ABLIM2: variants seen among roughly 807,000 people sequenced by gnomAD.
The protein encoded by ABLIM2 is actin-binding LIM protein 2.
Under a neutral mutation model 97.7 loss-of-function variants are expected in ABLIM2, and 53 were observed. The ratio of observed to expected loss-of-function variants is 0.54; its 90% CI spans 0.44 to 0.68. The LOEUF (loss-of-function observed/expected upper bound fraction) is 0.68, where lower values mean the gene tolerates loss of function less well. Among genes scored for constraint, ABLIM2 ranks in the 30% least tolerant of loss-of-function variants. The pLI is 0.00. For synonymous variants in ABLIM2, 361 were observed against 345.8 expected, an observed-to-expected ratio of 1.04 and a Z score of -0.49; for missense variants, 835 against 867.2, an observed-to-expected ratio of 0.96 and a Z score of 0.47.
chr4:8,105,283 C>T (rs1309029318), intron 2 of ABLIM2, among the ~76,000 whole-genome samples: 1 of 152,224 alleles, frequency 6.6e-6, no homozygotes, highest in Non-Finnish European at 1.5e-5. Context: ...CCCCTACACA[C>T]ATATACTTGG....
intron 9 of ABLIM2, among the ~76,000 whole-genome samples, chr4:8,038,527 G>A (rs1271920395): frequency 1.3e-5 from 2 of 152,140 alleles, no homozygotes; most frequent in Admixed American, 1.3e-4. Context: ...GGTGTGCCAG[G>A]TTCAGCCCCC....
intron 4 of ABLIM2, among the ~76,000 whole-genome samples, chr4:8,081,539 G>A (rs574668346): frequency 6.6e-6 from 1 of 152,362 alleles, no homozygotes; most frequent in South Asian, 2.1e-4. Flanking sequence ...AGAGCGGGTG[G>A]AGCAGGCTGG....
rs1755610797 is a variant in ABLIM2 at position 7,999,488 on chromosome 4, T to C, written c.1619-6561A>G. ...GACCTAATGATATCAAGCGATCTGT[T>C]CAAGGTCAAACAGTTACTAACTAGA... On this transcript the variant is annotated intron_variant, in intron 16 of 20. Transcript: ENST00000447017. The surrounding 1 kb of genome is among the most constrained non-coding windows in gnomAD (Gnocchi z 4.4). 6.6e-6 allele frequency among the ~76,000 whole-genome samples: 1 copy of C among 152,206 alleles called. No homozygotes were observed. The highest frequency in any genetic ancestry group is 1.5e-5 in the Non-Finnish European group (1 of 68,030).
chr4:8,024,129 T>C (rs1475667741), intron 12 of ABLIM2, among the ~76,000 whole-genome samples: 1 of 152,150 alleles, frequency 6.6e-6, no homozygotes, highest in African/African-American at 2.4e-5. Context: ...GGTGCGGGCC[T>C]GGACCTGAGG....
At chr4:8,104,721 G>T (rs1836369771) in intron 2 of ABLIM2, among the ~76,000 whole-genome samples, 1 of 152,174 alleles carries the variant, frequency 6.6e-6, no homozygotes, top group African/African-American at 2.4e-5. Context: ...CCCCTGCAGG[G>T]CTCCAAGTGC....
intron 10 of ABLIM2, among the ~76,000 whole-genome samples, chr4:8,031,238 G>A (rs1780731190): frequency 6.6e-6 from 1 of 152,222 alleles, no homozygotes; most frequent in East Asian, 1.9e-4. Flanking sequence ...CACTGAGCAA[G>A]TGTGCATGAT....
At chr4:8,158,545 C>G (rs1428135459) in intron 1 of ABLIM2, 135 bp downstream of exon 1, 3 of 1,179,228 alleles carry the variant, frequency 2.5e-6, no homozygotes, top group Middle Eastern at 2.7e-4. Flanking sequence ...CTGCAAAATC[C>G]TGGAGCAAAA....
intron 1 of ABLIM2, among the ~76,000 whole-genome samples, chr4:8,131,725 G>T (rs1192175097): frequency 5.9e-5 from 5 of 84,356 alleles, no homozygotes; most frequent in African/African-American, 2.7e-4. Flanking sequence ...CCTGAGCACA[G>T]CAGCCCGCAT....
At chr4:8,010,335 C>T in intron 14 of ABLIM2, 1 of 979,618 alleles carries the variant, frequency 1.0e-6, no homozygotes, top group South Asian at 4.7e-5. Flanking sequence ...ACACTGACCC[C>T]ATGCACTGAA....
intron 1 of ABLIM2, 71 bp from the exon 2 acceptor site, chr4:8,106,708 T>C: frequency 6.6e-7 from 1 of 1,516,534 alleles, no homozygotes; most frequent in South Asian, 1.3e-5. Context: ...AAAGCAGGCG[T>C]GTGAGGACGC....
At chr4:8,030,150 C>G (rs1779977472) in intron 10 of ABLIM2, among the ~76,000 whole-genome samples, 1 of 152,174 alleles carries the variant, frequency 6.6e-6, no homozygotes, top group Admixed American at 6.5e-5. Context: ...ACGGAGACTC[C>G]CCCAGTCCCT....
At chr4:8,097,359 C>G (rs1370074672) in intron 2 of ABLIM2, 77 bp from the exon 3 acceptor site, 2 of 1,490,666 alleles carry the variant, frequency 1.3e-6, no homozygotes, top group South Asian at 2.4e-5. Flanking sequence ...GGTGCACCCC[C>G]CTCCACACAC....
intron 1 of ABLIM2, among the ~76,000 whole-genome samples, chr4:8,134,933 G>A (rs904195051): frequency 1.3e-5 from 2 of 152,252 alleles, no homozygotes; most frequent in African/African-American, 2.4e-5. Flanking sequence ...CACACAAGGT[G>A]TGCTAAAATC....
chr4:8,078,933 T>C (rs951268805), intron 5 of ABLIM2, among the ~76,000 whole-genome samples: 3 of 152,188 alleles, frequency 2.0e-5, no homozygotes, highest in Non-Finnish European at 4.4e-5. Context: ...GTTGCTGTAG[T>C]GTTCCAAATT....
Position 8,087,674 on chromosome 4 carries a change from GACATTA to G in ABLIM2, c.454+489_454+494del. 6.6e-6 allele frequency among the ~76,000 whole-genome samples: 1 copy of G among 152,250 alleles called. No homozygotes were observed. The highest frequency in any genetic ancestry group is 3.4e-3 in the Middle Eastern group (1 of 294). On this transcript the variant is annotated intron_variant, in intron 4 of 20. Transcript: ENST00000447017. The surrounding 1 kb of genome is among the most constrained non-coding windows in gnomAD (Gnocchi z 4.6). ...CTAGAGCTGGGCAAAAGCAGCAGTGGACATTAGATGGGAAAGCAGCAGTGGGCATTA... is the reference window on the plus strand; with the variant it reads ...CTAGAGCTGGGCAAAAGCAGCAGTGGGATGGGAAAGCAGCAGTGGGCATTA...
At chr4:8,014,776 T>C (rs1344456277) in intron 14 of ABLIM2, among the ~76,000 whole-genome samples, 1 of 152,176 alleles carries the variant, frequency 6.6e-6, no homozygotes, top group Non-Finnish European at 1.5e-5. Flanking sequence ...AATAAGAACC[T>C]CTGCTCCCTG....
chr4:8,145,745 TACACACACAC>T (rs34195989), intron 1 of ABLIM2, among the ~76,000 whole-genome samples: 3,939 of 138,664 alleles, frequency 0.028, 143 homozygotes, highest in African/African-American at 0.092. Context: ...TACACACTCA[TACACACACAC>T]ACACACACAC....
At chr4:8,049,506 G>C (rs1052239618) in intron 8 of ABLIM2, among the ~76,000 whole-genome samples, 1 of 152,098 alleles carries the variant, frequency 6.6e-6, no homozygotes, top group Non-Finnish European at 1.5e-5. Context: ...TGGGAAGCGG[G>C]GGTCAGACAT....
In ABLIM2 at chr4:8,069,273, A is replaced by G. The variant is rs567323180; in HGVS notation, c.676-8219T>C. ...CAGTGGGGACGTTCTGAACAAGGCA[A>G]CACGGTGCCCAGGAGGCCAGCCTGA... On this transcript the variant is annotated intron_variant, in intron 6 of 20. Coordinates refer to ENST00000447017, the MANE Select transcript of ABLIM2 (RefSeq NM_001130083.2). The surrounding 1 kb of genome is among the most constrained non-coding windows in gnomAD (Gnocchi z 4.2). Among the ~76,000 whole-genome samples, 1 of 152,396 alleles carries G rather than the reference A, an allele frequency of 6.6e-6. No individual in the cohort carries two copies. The highest frequency in any genetic ancestry group is 2.1e-4 in the South Asian group (1 of 4,834).
Sources: allele counts gnomAD v4.1 joint callset (sites outside exome capture counted in the v4.1 genomes callset), GRCh38; gene constraint gnomAD v4.1.1; non-coding constraint Gnocchi (gnomAD v3.1); transcripts MANE v1.5; gene names NCBI Gene and HGNC (gene_info 2026-07-23, HGNC 2026-07-21).